Variants in SAMD5 observed in about 807,000 individuals in gnomAD.
SAMD5 encodes sterile alpha motif domain containing 5.
In SAMD5, 13 loss-of-function variants were observed where a neutral mutation model predicts 11.3. That is an observed-to-expected ratio of 1.15 (90% CI 0.75 to 1.83). The LOEUF is 1.83. Among genes scored for constraint, SAMD5 ranks in the 40% most tolerant of loss-of-function variants. The pLI is 0.00. For missense variants in SAMD5, 255 were observed against 239.1 expected, an observed-to-expected ratio of 1.07 and a Z score of -0.44; for synonymous variants, 129 against 111.3, an observed-to-expected ratio of 1.16 and a Z score of -1.00.
chr6:147,691,041 C>G (rs1450821089), intron 1 of SAMD5, among the ~76,000 whole-genome samples: 1 of 149,876 alleles, frequency 6.7e-6, no homozygotes, highest in African/African-American at 2.5e-5. Flanking sequence ...GTTGCCCAGG[C>G]TGGAGTGCAA....
chr6:147,759,463 G>A, the SAMD5 span, among the ~76,000 whole-genome samples: 1 of 152,048 alleles, frequency 6.6e-6, no homozygotes, highest in Admixed American at 6.6e-5. Flanking sequence ...AATAACTCTT[G>A]TTTGGTTTTG....
At chr6:147,883,328 A>G in the SAMD5 span, among the ~76,000 whole-genome samples, 1 of 152,190 alleles carries the variant, frequency 6.6e-6, no homozygotes, top group South Asian at 2.1e-4. Flanking sequence ...ATTTTATTTC[A>G]GAGTTGCCCC....
intron 1 of SAMD5, chr6:147,737,272 T>G: frequency 1.7e-6 from 2 of 1,144,312 alleles, no homozygotes; most frequent in South Asian, 3.2e-5. Flanking sequence ...ATGATTTCAC[T>G]GGGCAACACT....
the SAMD5 span, among the ~76,000 whole-genome samples, chr6:147,875,207 C>A: frequency 6.6e-6 from 1 of 152,084 alleles, no homozygotes; most frequent in African/African-American, 2.4e-5. Flanking sequence ...ACATTATATG[C>A]ACTATTTTTC....
At chr6:147,828,796 G>A in the SAMD5 span, among the ~76,000 whole-genome samples, 3 of 152,156 alleles carry the variant, frequency 2.0e-5, no homozygotes, top group Non-Finnish European at 4.4e-5. Context: ...AGCAGAGTTT[G>A]GCCACACCTG....
intron 1 of SAMD5, among the ~76,000 whole-genome samples, chr6:147,687,178 G>A (rs981918545): frequency 6.6e-6 from 1 of 150,598 alleles, no homozygotes; most frequent in Admixed American, 6.6e-5. Flanking sequence ...TACACAATCA[G>A]TATTCATTTA....
At chr6:147,515,808 T>A (rs1788162081) in intron 1 of SAMD5, among the ~76,000 whole-genome samples, 1 of 152,198 alleles carries the variant, frequency 6.6e-6, no homozygotes. Flanking sequence ...GATTGGAGGA[T>A]GTTGCACTTG....
At chr6:147,719,106 A>T (rs1338857146) in intron 1 of SAMD5, among the ~76,000 whole-genome samples, 4 of 152,200 alleles carry the variant, frequency 2.6e-5, no homozygotes, top group Non-Finnish European at 5.9e-5. Flanking sequence ...TGTCAGCTTC[A>T]TGTATCAGTT....
chr6:147,669,822 A>T (rs1255780603), intron 1 of SAMD5, among the ~76,000 whole-genome samples: 1 of 152,166 alleles, frequency 6.6e-6, no homozygotes, highest in Non-Finnish European at 1.5e-5. Flanking sequence ...AAAATCATTC[A>T]TGAGGATTGG....
At chr6:147,535,770 T>C (rs1213338180) in intron 1 of SAMD5, among the ~76,000 whole-genome samples, 2 of 152,168 alleles carry the variant, frequency 1.3e-5, no homozygotes, top group African/African-American at 4.8e-5. Context: ...TTGGGCAAAT[T>C]CCTTTTCTCT....
chr6:147,516,676 T>C (rs1046279450), intron 1 of SAMD5, among the ~76,000 whole-genome samples: 14 of 152,240 alleles, frequency 9.2e-5, no homozygotes, highest in Non-Finnish European at 1.3e-4. Flanking sequence ...GCCTGCACTG[T>C]GAGTCAGCTC....
the SAMD5 span, among the ~76,000 whole-genome samples, chr6:147,909,593 T>TTTC: frequency 5.7e-5 from 4 of 70,372 alleles, no homozygotes; most frequent in African/African-American, 1.7e-4. Context: ...TCTTTCTTTC[T>TTTC]TTCTTTCTTT....
the SAMD5 span, among the ~76,000 whole-genome samples, chr6:147,855,898 A>G: frequency 3.3e-5 from 5 of 152,340 alleles, no homozygotes; most frequent in Admixed American, 3.3e-4. Flanking sequence ...TACACCTACC[A>G]TATGATCCAG....
At chr6:147,915,575 A>C in the SAMD5 span, among the ~76,000 whole-genome samples, 1 of 152,234 alleles carries the variant, frequency 6.6e-6, no homozygotes, top group Non-Finnish European at 1.5e-5. Context: ...GCCATTGCGC[A>C]TCAAGTGACT....
At chr6:147,917,413 T>C in the SAMD5 span, among the ~76,000 whole-genome samples, 1 of 151,758 alleles carries the variant, frequency 6.6e-6, no homozygotes, top group Admixed American at 6.6e-5. Context: ...TGTTTGTTTT[T>C]TTCTTGTAAA....
chr6:147,766,887 A>G, the SAMD5 span, among the ~76,000 whole-genome samples: 1 of 152,328 alleles, frequency 6.6e-6, no homozygotes, highest in Non-Finnish European at 1.5e-5. Context: ...GCAAAAGTTA[A>G]TTGAGTCATT....
the SAMD5 span, among the ~76,000 whole-genome samples, chr6:147,836,324 CCTTTGTA>C: frequency 6.6e-6 from 1 of 152,128 alleles, no homozygotes; most frequent in African/African-American, 2.4e-5. Context: ...CTTTTGGAGT[CCTTTGTA>C]CTTACATTAA....
chr6:147,610,378 C>T (rs781192169), intron 1 of SAMD5, among the ~76,000 whole-genome samples: 12 of 152,132 alleles, frequency 7.9e-5, no homozygotes, highest in South Asian at 2.1e-4. Flanking sequence ...GGTGCAACGA[C>T]GACACTCCTG....
At chr6:147,791,461 A>G in the SAMD5 span, among the ~76,000 whole-genome samples, 1 of 152,178 alleles carries the variant, frequency 6.6e-6, no homozygotes, top group Non-Finnish European at 1.5e-5. Flanking sequence ...GTTACTGACC[A>G]TAGTGATATA....
Sources: allele counts gnomAD v4.1 joint callset (sites outside exome capture counted in the v4.1 genomes callset), GRCh38; gene constraint gnomAD v4.1.1; transcripts MANE v1.5; gene names NCBI Gene and HGNC (gene_info 2026-07-23, HGNC 2026-07-21).